The following B3GALNT2 variants were observed in gnomAD, a reference collection of about 807,000 sequenced individuals.
B3GALNT2 encodes UDP-GalNAc:beta-1,3-N-acetylgalactosaminyltransferase 2.
In B3GALNT2, 53 loss-of-function variants were observed where a neutral mutation model predicts 61.1. The ratio of observed to expected loss-of-function variants is 0.87; its 90% CI spans 0.70 to 1.09. The LOEUF (loss-of-function observed/expected upper bound fraction) is 1.09, where lower values mean the gene tolerates loss of function less well. B3GALNT2 is among the 50% of genes least tolerant of loss of function. The pLI, the probability that B3GALNT2 is intolerant of heterozygous loss-of-function variation, is 0.00. For synonymous variants in B3GALNT2, 223 were observed against 237.4 expected, an observed-to-expected ratio of 0.94 and a Z score of 0.56; for missense variants, 544 against 623.0, an observed-to-expected ratio of 0.87 and a Z score of 1.35.
At chr1:235,455,821 T>C in intron 8 of B3GALNT2, 137 bp from the exon 9 acceptor site, 1 of 1,148,214 alleles carries the variant, frequency 8.7e-7, no homozygotes, top group Non-Finnish European at 1.2e-6. Context: ...TGAGAACATT[T>C]GCTCTAACAA....
At chr1:235,467,524 C>T (rs1487294708) in intron 6 of B3GALNT2, among the ~76,000 whole-genome samples, 1 of 150,526 alleles carries the variant, frequency 6.6e-6, no homozygotes, top group African/African-American at 2.4e-5. Flanking sequence ...TGCTCTTGTC[C>T]CCCAGGCTGG....
chr1:235,497,190 G>A (rs775719461), intron 1 of B3GALNT2, among the ~76,000 whole-genome samples: 11 of 152,134 alleles, frequency 7.2e-5, no homozygotes, highest in Non-Finnish European at 1.3e-4. Context: ...TCTGAATTCA[G>A]AGACTAATTT....
At chr1:235,466,044 T>C (rs1683678238) in intron 6 of B3GALNT2, among the ~76,000 whole-genome samples, 1 of 152,058 alleles carries the variant, frequency 6.6e-6, no homozygotes, top group Non-Finnish European at 1.5e-5. Context: ...CTTAAAAAAA[T>C]ATGTATTACG....
chr1:235,460,565 G>A lies in B3GALNT2; in HGVS notation c.842-1779C>T, dbSNP rs1473861367. On this transcript the variant is annotated intron_variant, in intron 7 of 11. Coordinates refer to ENST00000366600, the MANE Select transcript of B3GALNT2 (RefSeq NM_152490.5). ...TCTGTACTATTTCTGGTGTATTTAT[G>A]ATTATTTCCTTTGTTTTTTTTTTTT... Among the ~76,000 whole-genome samples the A allele has an allele frequency of 6.0e-5, 9 of 150,300 alleles. No homozygotes were observed. The East Asian group carries it at 1.7e-3, about 29-fold the overall frequency.
At position 235,450,073 on chromosome 1, in the gene B3GALNT2, TG is replaced by T; in HGVS notation, c.*132del. 1 of 1,085,638 alleles carries T rather than the reference TG, an allele frequency of 9.2e-7. No individual in the cohort carries two copies. The highest frequency in any genetic ancestry group is 1.6e-5 in the African/African-American group (1 of 64,090). 67.3% of individuals were successfully genotyped at this position (1,085,638 alleles called of 1,614,324 possible). A position where few individuals can be genotyped will look rare whatever the true frequency, so the allele number is the denominator to read the frequency against. On this transcript the variant is annotated 3_prime_UTR_variant, in exon 12 of 12. Transcript: ENST00000366600. Reference sequence around the variant, plus strand: ...ACATTAAGAAACACCGCATTGGTTCTGGGTGAAAGTGCCAGTCTGGAACTCT... The same window carrying T: ...ACATTAAGAAACACCGCATTGGTTCTGGTGAAAGTGCCAGTCTGGAACTCT...
At chr1:235,500,995 T>C (rs1409108439) in intron 1 of B3GALNT2, among the ~76,000 whole-genome samples, 3 of 152,212 alleles carry the variant, frequency 2.0e-5, no homozygotes, top group African/African-American at 4.8e-5. Context: ...TGTGAGCACC[T>C]TGGGAGAAGG....
At chr1:235,475,937 G>A (rs1001064874) in intron 5 of B3GALNT2, among the ~76,000 whole-genome samples, 9 of 152,162 alleles carry the variant, frequency 5.9e-5, no homozygotes, top group East Asian at 1.9e-4. Flanking sequence ...TGATCTGCCC[G>A]CCTCGGCCTC....
chr1:235,465,907 T>C, intron 6 of B3GALNT2, 193 bp from the exon 7 acceptor site: 1 of 599,950 alleles, frequency 1.7e-6, no homozygotes, highest in Non-Finnish European at 2.9e-6. Context: ...CTAATTACAA[T>C]ACTAAAGATA....
chr1:235,456,378 C>T (rs1397870019), intron 8 of B3GALNT2, among the ~76,000 whole-genome samples: 1 of 152,110 alleles, frequency 6.6e-6, no homozygotes, highest in Admixed American at 6.6e-5. Context: ...GCTAGGGTGC[C>T]AGTCATATGT....
Position 235,466,202 on chromosome 1 carries a change from A to G in B3GALNT2, c.763-488T>C, listed in dbSNP as rs1023716948. Reference sequence around the variant, plus strand: ...GAACTCTACTGTATATTGATTAAAAAAAAATTTTTTTTTAATTTTTAATTT... The same window carrying G: ...GAACTCTACTGTATATTGATTAAAAGAAAATTTTTTTTTAATTTTTAATTT... On this transcript the variant is annotated intron_variant, in intron 6 of 11. Coordinates refer to ENST00000366600, the MANE Select transcript of B3GALNT2 (RefSeq NM_152490.5). 3.2e-4 allele frequency among the ~76,000 whole-genome samples: 49 copies of G among 150,866 alleles called. 1 individual carries two copies. Among genetic ancestry groups the G allele is most frequent in the African/African-American group, 1.2e-3 (49 of 41,108 alleles).
chr1:235,472,885 G>A (rs1329457859), intron 5 of B3GALNT2, among the ~76,000 whole-genome samples: 2 of 152,112 alleles, frequency 1.3e-5, no homozygotes, highest in African/African-American at 2.4e-5. Context: ...CCTCTGCACA[G>A]AGTGATATAA....
intron 4 of B3GALNT2, among the ~76,000 whole-genome samples, chr1:235,480,630 T>A (rs984375297): frequency 1.1e-4 from 16 of 151,708 alleles, no homozygotes; most frequent in Admixed American, 2.6e-4. Flanking sequence ...TGGAGCCAGG[T>A]GCAGTGGCTC....
chr1:235,443,992 A>G (rs1336505924), downstream of B3GALNT2, among the ~76,000 whole-genome samples: 1 of 152,258 alleles, frequency 6.6e-6, no homozygotes, highest in Non-Finnish European at 1.5e-5. Context: ...AAATGCTAAA[A>G]TATAAATAAT....
At chr1:235,482,216 G>C (rs1040008341) in intron 4 of B3GALNT2, among the ~76,000 whole-genome samples, 1 of 152,110 alleles carries the variant, frequency 6.6e-6, no homozygotes, top group Non-Finnish European at 1.5e-5. Flanking sequence ...GTACTTGGAA[G>C]AAGGAAAAGG....
chr1:235,500,263 T>C (rs1685526116), intron 1 of B3GALNT2, among the ~76,000 whole-genome samples: 1 of 152,086 alleles, frequency 6.6e-6, no homozygotes, highest in Admixed American at 6.6e-5. Context: ...GAGGCCGAGG[T>C]GAATGAATCG....
intron 5 of B3GALNT2, among the ~76,000 whole-genome samples, chr1:235,471,572 T>C (rs1684009921): frequency 6.6e-6 from 1 of 152,224 alleles, no homozygotes; most frequent in Non-Finnish European, 1.5e-5. Context: ...GAATGACAAC[T>C]GCACTGTATT....
At chr1:235,445,190 G>A (rs952514295), downstream of B3GALNT2, among the ~76,000 whole-genome samples, 3 of 152,160 alleles carry the variant, frequency 2.0e-5, no homozygotes, top group Non-Finnish European at 4.4e-5. Context: ...AGATTACAAG[G>A]GTTCCTTTTT....
At chr1:235,491,486 T>A (rs1318854828) in intron 2 of B3GALNT2, among the ~76,000 whole-genome samples, 4 of 152,242 alleles carry the variant, frequency 2.6e-5, no homozygotes, top group Admixed American at 1.3e-4. Context: ...TAAACCTTTA[T>A]CAGTACACTA....
chr1:235,497,754 C>T (rs925171331), intron 1 of B3GALNT2, among the ~76,000 whole-genome samples: 6 of 152,136 alleles, frequency 3.9e-5, no homozygotes, highest in Non-Finnish European at 5.9e-5. Flanking sequence ...TGTTTTTTCA[C>T]CTGGACCAGT....
Sources: gnomAD v4.1 joint callset for allele counts (sites outside exome capture counted in the v4.1 genomes callset) on GRCh38, gnomAD v4.1.1 for gene constraint, MANE v1.5 for transcripts, NCBI Gene and HGNC (gene_info 2026-07-23, HGNC 2026-07-21) for gene names.